The following NSUN3 variants were observed in gnomAD, a reference collection of about 807,000 sequenced individuals.
NSUN3 encodes the protein tRNA (cytosine(34)-C(5))-methyltransferase, mitochondrial.
Under a neutral mutation model 36.8 loss-of-function variants are expected in NSUN3, and 24 were observed. That is an observed-to-expected ratio of 0.65 (90% CI 0.47 to 0.92). The LOEUF (loss-of-function observed/expected upper bound fraction) is 0.92, where lower values mean the gene tolerates loss of function less well. NSUN3 is among the 40% of genes least tolerant of loss of function. The pLI, the probability that NSUN3 is intolerant of heterozygous loss-of-function variation, is 0.00. For synonymous variants in NSUN3, 146 were observed against 145.2 expected (o/e 1.01, Z -0.04); for missense variants, 381 against 392.8 (o/e 0.97, Z 0.25).
chr3:94,084,768 T>G (rs533105570), intron 3 of NSUN3: 1 of 213,702 alleles, frequency 4.7e-6, no homozygotes, highest in African/African-American at 2.3e-5. Flanking sequence ...GAGAGTCTTA[T>G]GTAGATATCC....
At chr3:94,064,713 C>T (rs1454763499) in intron 2 of NSUN3, among the ~76,000 whole-genome samples, 167 bp downstream of exon 2, 1 of 152,148 alleles carries the variant, frequency 6.6e-6, no homozygotes, top group Non-Finnish European at 1.5e-5. Flanking sequence ...TAGAATGAAT[C>T]ATAGCATGTT....
At chr3:94,122,075 G>A (rs992015854) in intron 5 of NSUN3, among the ~76,000 whole-genome samples, 1 of 151,174 alleles carries the variant, frequency 6.6e-6, no homozygotes, top group Admixed American at 6.6e-5. Context: ...AACTGGAGAG[G>A]TGGAGGTTGC....
At chr3:94,097,582 A>C (rs937423111) in intron 5 of NSUN3, among the ~76,000 whole-genome samples, 1 of 152,196 alleles carries the variant, frequency 6.6e-6, no homozygotes, top group African/African-American at 2.4e-5. Flanking sequence ...TTTCTTGATT[A>C]AATAAATATT....
intron 5 of NSUN3, among the ~76,000 whole-genome samples, chr3:94,100,614 T>C (rs1486457796): frequency 6.6e-6 from 1 of 152,188 alleles, no homozygotes; most frequent in African/African-American, 2.4e-5. Flanking sequence ...AAAGAATAGA[T>C]TTGTAGTATT....
chr3:94,075,904 G>T, intron 2 of NSUN3: 1 of 1,353,574 alleles, frequency 7.4e-7, no homozygotes, highest in Non-Finnish European at 1.1e-6. Flanking sequence ...AAGTAAAGAC[G>T]TATCTAGGAC....
chr3:94,076,697 T>G (rs1407175981), intron 2 of NSUN3: 40 of 1,264,310 alleles, frequency 3.2e-5, no homozygotes, highest in Non-Finnish European at 3.8e-5. Context: ...AAGATCTGGT[T>G]TAGGATGTTT....
At chr3:94,067,495 A>C (rs932023255) in intron 2 of NSUN3, among the ~76,000 whole-genome samples, 2 of 152,140 alleles carry the variant, frequency 1.3e-5, no homozygotes, top group Non-Finnish European at 2.9e-5. Flanking sequence ...GTTGTCTTTG[A>C]GACTCAACTA....
At chr3:94,068,742 C>G (rs1423521064) in intron 2 of NSUN3, among the ~76,000 whole-genome samples, 1 of 150,354 alleles carries the variant, frequency 6.7e-6, no homozygotes, top group Non-Finnish European at 1.5e-5. Flanking sequence ...TTTGGACACT[C>G]TCCTCACTGA....
chr3:94,080,847 T>C (rs1355754598), intron 2 of NSUN3, among the ~76,000 whole-genome samples: 1 of 152,166 alleles, frequency 6.6e-6, no homozygotes, highest in Non-Finnish European at 1.5e-5. Context: ...CTGGGCTCCA[T>C]GGGGGTGGGA....
intron 5 of NSUN3, among the ~76,000 whole-genome samples, chr3:94,113,535 G>C (rs1405097343): frequency 6.6e-6 from 1 of 152,142 alleles, no homozygotes; most frequent in East Asian, 1.9e-4. Flanking sequence ...AGGCAGATGG[G>C]GAGGCGGAGG....
chr3:94,070,833 G>T (rs1177102779), intron 2 of NSUN3, among the ~76,000 whole-genome samples: 2 of 152,336 alleles, frequency 1.3e-5, no homozygotes, highest in South Asian at 2.1e-4. Flanking sequence ...GACAAGTCAG[G>T]TGGTTTCCAA....
Position 94,128,975 on chromosome 3 carries a change from T to C in NSUN3, c.*2485T>C, listed in dbSNP as rs2077499338. ...TTACACCAGTCAGAATGGCTATTAT[T>C]AAAAAGTCAATAAAATAAAAAATAA... On this transcript the variant is annotated 3_prime_UTR_variant, in exon 6 of 6. Coordinates refer to ENST00000314622, the MANE Select transcript of NSUN3 (RefSeq NM_022072.5). Among the ~76,000 whole-genome samples, 1 of 152,140 alleles carries C rather than the reference T, an allele frequency of 6.6e-6. No individual in the cohort carries two copies. The highest frequency in any genetic ancestry group is 1.5e-5 in the Non-Finnish European group (1 of 68,028).
At chr3:94,082,007 C>G (rs1026400684) in intron 2 of NSUN3, 6 of 152,106 alleles carry the variant, frequency 3.9e-5, no homozygotes, top group African/African-American at 1.4e-4. Context: ...GAGATTTGTC[C>G]TGTCTGATGT....
intron 5 of NSUN3, among the ~76,000 whole-genome samples, chr3:94,095,913 A>ATT (rs60524751): frequency 2.0e-4 from 25 of 124,510 alleles, no homozygotes; most frequent in African/African-American, 3.8e-4. Context: ...AGCCTAGCTA[A>ATT]TTTTTTTTTT....
rs2077505372 is a variant in NSUN3 at position 94,130,504 on chromosome 3, C to T, written c.*4014C>T. ...AATTGTATGCTCTCTAGCAACTTTG[C>T]GTGAATTTTTATACAAACACTTATG... On this transcript the variant is annotated 3_prime_UTR_variant, in exon 6 of 6. Transcript: ENST00000314622. Among the ~76,000 whole-genome samples the T allele has an allele frequency of 6.6e-6, 1 of 152,260 alleles. No individual in the cohort carries two copies. The highest frequency in any genetic ancestry group is 2.1e-4 in the South Asian group (1 of 4,818).
chr3:94,109,820 G>A (rs746849748), intron 5 of NSUN3, among the ~76,000 whole-genome samples: 14 of 152,112 alleles, frequency 9.2e-5, no homozygotes, highest in Non-Finnish European at 1.8e-4. Flanking sequence ...AGTTTTTGAC[G>A]ATTACATAGC....
chr3:94,111,151 G>T (rs2077415176), intron 5 of NSUN3, among the ~76,000 whole-genome samples: 2 of 152,126 alleles, frequency 1.3e-5, no homozygotes, highest in African/African-American at 4.8e-5. Context: ...TAACACAGTG[G>T]TATTTGTGTA....
At chr3:94,111,495 G>A (rs545104436) in intron 5 of NSUN3, among the ~76,000 whole-genome samples, 112 of 151,952 alleles carry the variant, frequency 7.4e-4, no homozygotes, top group African/African-American at 2.7e-3. Context: ...CTAATACTAA[G>A]CTTAAAACAA....
chr3:94,065,161 A>G (rs535503730), intron 2 of NSUN3, among the ~76,000 whole-genome samples: 30 of 152,350 alleles, frequency 2.0e-4, no homozygotes, highest in African/African-American at 6.5e-4. Flanking sequence ...TACACTATAT[A>G]ACCCTCTCTG....
Sources: allele counts gnomAD v4.1 joint callset (sites outside exome capture counted in the v4.1 genomes callset), GRCh38; gene constraint gnomAD v4.1.1; transcripts MANE v1.5; gene names NCBI Gene and HGNC (gene_info 2026-07-23, HGNC 2026-07-21).